Variants in PHB1 observed in about 807,000 individuals in gnomAD.
PHB1 encodes epididymis luminal protein 215.
chr17:49,405,752 G>A, the PHB1 span, among the ~76,000 whole-genome samples: 1 of 151,120 alleles, frequency 6.6e-6, no homozygotes, highest in Non-Finnish European at 1.5e-5. Context: ...TCCAGCCTGG[G>A]CCACAGAGCT....
the PHB1 span, chr17:49,409,532 G>GTTT: frequency 1.6e-4 from 118 of 744,490 alleles, no homozygotes; most frequent in South Asian, 2.1e-4. Flanking sequence ...GAAAACAAGT[G>GTTT]TTTTTTTTTT....
chr17:49,411,555 T>C, the PHB1 span: 1 of 809,630 alleles, frequency 1.2e-6, no homozygotes, highest in Non-Finnish European at 2.0e-6. Context: ...AGTCTAGTCA[T>C]TCCTATGATG....
At chr17:49,409,299 G>A in the PHB1 span, 20 of 1,613,644 alleles carry the variant, frequency 1.2e-5, no homozygotes, top group African/African-American at 2.4e-4. Context: ...GTGGTGCTCT[G>A]GGCTCGAGGC....
chr17:49,409,530 GTGTTTTTTTTT>G, the PHB1 span: 2,286 of 1,145,914 alleles, frequency 2.0e-3, 11 homozygotes, highest in South Asian at 0.024. Context: ...AGGAAAACAA[GTGTTTTTTTTT>G]TGTTTTTTTT....
chr17:49,405,248 C>T, the PHB1 span: 431 of 1,539,706 alleles, frequency 2.8e-4, no homozygotes, highest in Admixed American at 6.6e-4. Context: ...CTCAGGGCAC[C>T]GCATGTCAGG....
chr17:49,406,951 G>A, the PHB1 span: 3 of 829,556 alleles, frequency 3.6e-6, no homozygotes, highest in South Asian at 4.2e-5. Context: ...GGCCAGCAAT[G>A]GCTCTAGCAG....
chr17:49,404,603 T>C, the PHB1 span: 1 of 294,402 alleles, frequency 3.4e-6, no homozygotes, highest in Admixed American at 4.9e-5. Context: ...CTTCCATCAG[T>C]GACAGGACGG....
the PHB1 span, among the ~76,000 whole-genome samples, chr17:49,410,646 C>T: frequency 6.6e-6 from 1 of 152,136 alleles, no homozygotes; most frequent in Non-Finnish European, 1.5e-5. Context: ...GAGGTTAGTT[C>T]GGGTCTGGTG....
At chr17:49,404,611 C>T in the PHB1 span, 11 of 301,646 alleles carry the variant, frequency 3.6e-5, no homozygotes, top group East Asian at 3.8e-4. Flanking sequence ...AGTGACAGGA[C>T]GGAGGCCACA....
chr17:49,409,208 A>T, the PHB1 span: 1 of 1,578,380 alleles, frequency 6.3e-7, no homozygotes, highest in Non-Finnish European at 8.7e-7. Flanking sequence ...ATGAGGAAGC[A>T]GAAAAGGAAC....
At chr17:49,406,064 G>A in the PHB1 span, among the ~76,000 whole-genome samples, 2 of 152,184 alleles carry the variant, frequency 1.3e-5, no homozygotes, top group East Asian at 3.8e-4. Context: ...AACATTTACT[G>A]TATACCTACT....
chr17:49,414,858 TG>T, the PHB1 span: 1 of 152,436 alleles, frequency 6.6e-6, no homozygotes, highest in Non-Finnish European at 1.5e-5. Flanking sequence ...GACCTCCACA[TG>T]AATTCCCCAA....
At chr17:49,408,187 C>T in the PHB1 span, among the ~76,000 whole-genome samples, 2 of 152,178 alleles carry the variant, frequency 1.3e-5, no homozygotes, top group Non-Finnish European at 2.9e-5. Context: ...AGCCCCAAGC[C>T]CCCAGGACTT....
At chr17:49,406,592 T>C in the PHB1 span, among the ~76,000 whole-genome samples, 1 of 152,220 alleles carries the variant, frequency 6.6e-6, no homozygotes, top group African/African-American at 2.4e-5. Flanking sequence ...GACTAGCCCC[T>C]GAAGACTCTG....
the PHB1 span, among the ~76,000 whole-genome samples, chr17:49,410,487 A>G: frequency 2.6e-5 from 4 of 152,244 alleles, no homozygotes; most frequent in African/African-American, 9.6e-5. Flanking sequence ...CCTCAGATAT[A>G]CATAATTCAG....
chr17:49,410,830 A>C, the PHB1 span, among the ~76,000 whole-genome samples: 14 of 152,256 alleles, frequency 9.2e-5, no homozygotes, highest in Admixed American at 4.6e-4. Flanking sequence ...AACAGACGTA[A>C]AAGCACTCTG....
chr17:49,414,500 C>G, the PHB1 span, among the ~76,000 whole-genome samples: 1 of 152,120 alleles, frequency 6.6e-6, no homozygotes, highest in Admixed American at 6.6e-5. Context: ...CCGTCGTTGC[C>G]CGCTCCAGTC....
the PHB1 span, chr17:49,411,801 G>C: frequency 2.5e-6 from 4 of 1,614,104 alleles, no homozygotes; most frequent in Non-Finnish European, 3.4e-6. Flanking sequence ...TGCACTCCAC[G>C]GAATCGGTCA....
the PHB1 span, chr17:49,414,170 C>T: frequency 6.6e-6 from 1 of 152,032 alleles, no homozygotes; most frequent in Non-Finnish European, 1.5e-5. Context: ...CATGAGAAGC[C>T]GAGATTGCAG....
Sources: allele counts gnomAD v4.1 joint callset (sites outside exome capture counted in the v4.1 genomes callset), GRCh38; gene constraint gnomAD v4.1.1; transcripts MANE v1.5; gene names NCBI Gene and HGNC (gene_info 2026-07-23, HGNC 2026-07-21).